The following PIK3C3 variants were observed in gnomAD, a reference collection of about 807,000 sequenced individuals.
PIK3C3 encodes phosphatidylinositol 3-kinase catalytic subunit type 3.
A neutral mutation model predicts 126.1 loss-of-function variants in PIK3C3; 95 were observed. That is an observed-to-expected ratio of 0.75 (90% confidence interval 0.64 to 0.89). The LOEUF (loss-of-function observed/expected upper bound fraction) is 0.89, where lower values mean the gene tolerates loss of function less well. Among genes scored for constraint, PIK3C3 ranks in the 40% least tolerant of loss-of-function variants. PIK3C3 has a pLI of 0.00. For synonymous variants in PIK3C3, 374 were observed against 360.0 expected, an observed-to-expected ratio of 1.04 and a Z score of -0.44; for missense variants, 829 against 1,063.2, an observed-to-expected ratio of 0.78 and a Z score of 3.06.
intron 10 of PIK3C3, among the ~76,000 whole-genome samples, chr18:42,008,763 A>G (rs1982666640): frequency 2.6e-5 from 4 of 152,130 alleles, no homozygotes; most frequent in African/African-American, 9.6e-5. Flanking sequence ...AGACATGAGT[A>G]TATAATGAGA....
chr18:42,029,328 G>A lies in PIK3C3; in HGVS notation c.1594G>A (p.Asp532Asn). The change falls in exon 15 of 25, where the codon GAT (aspartate) becomes AAT (asparagine). Residue 532 changes from aspartate to asparagine, a missense_variant. Physicochemically the swap from Asp to Asn is conservative, Grantham distance 23. Transcript: ENST00000262039. Reference sequence around the variant, plus strand: ...TTTCTCACTTTGAACCCTTCAGGGTGATAAGTCTGTCAGAGTTATGCGTTC... The same window carrying A: ...TTTCTCACTTTGAACCCTTCAGGGTAATAAGTCTGTCAGAGTTATGCGTTC... ...RRFSQALLKG[D>N]KSVRVMRSLL... The A allele has an allele frequency of 3.7e-6, 6 of 1,607,548 alleles. No homozygotes were observed. The highest frequency in any genetic ancestry group is 2.2e-5 in the South Asian group (2 of 90,934).
chr18:42,049,523 T>A lies in PIK3C3; in HGVS notation c.2189-8T>A. 1.9e-6 allele frequency: 3 copies of A among 1,609,478 alleles called. No homozygotes were observed. The highest frequency in any genetic ancestry group is 2.6e-6 in the Non-Finnish European group (3 of 1,176,200). On this transcript the variant is annotated splice_region_variant and splice_polypyrimidine_tract_variant and intron_variant, in intron 20 of 24. Coordinates refer to ENST00000262039, the MANE Select transcript of PIK3C3 (RefSeq NM_002647.4). ...GTTTTCACATATTTTTTTTAACTGT[T>A]ACTGCAGCTGGATATTGCGTGATCA...
chr18:42,056,105 AT>A (rs1985053567), intron 21 of PIK3C3, among the ~76,000 whole-genome samples: 1 of 151,976 alleles, frequency 6.6e-6, no homozygotes, highest in African/African-American at 2.4e-5. Flanking sequence ...CATTATGTGT[AT>A]TTTTTGAACC....
At chr18:42,000,721 C>T (rs955690688) in intron 9 of PIK3C3, among the ~76,000 whole-genome samples, 6 of 152,116 alleles carry the variant, frequency 3.9e-5, no homozygotes, top group Non-Finnish European at 8.8e-5. Context: ...AGGAGCAAGT[C>T]ATGTCTTACG....
intron 10 of PIK3C3, among the ~76,000 whole-genome samples, chr18:42,007,223 T>C (rs943762395): frequency 1.3e-5 from 2 of 152,216 alleles, no homozygotes; most frequent in African/African-American, 4.8e-5. Context: ...AGCCAAAAGA[T>C]ATCTGCTTTT....
chr18:41,955,589 GC>G (rs1979728575), intron 1 of PIK3C3: 1 of 470,058 alleles, frequency 2.1e-6, no homozygotes, highest in East Asian at 3.5e-5. Context: ...AGTAGGAATA[GC>G]CCTTAAGTTC....
chr18:42,067,631 G>A (rs796612538), intron 24 of PIK3C3, 118 bp downstream of exon 24: 29 of 1,088,386 alleles, frequency 2.7e-5, no homozygotes, highest in Admixed American at 1.3e-4. Flanking sequence ...CTATCAAGTC[G>A]TTTTGACATC....
At chr18:42,043,847 G>A (rs1339766948) in intron 20 of PIK3C3, 30 bp downstream of exon 20, 16 of 1,478,848 alleles carry the variant, frequency 1.1e-5, no homozygotes, top group Non-Finnish European at 1.4e-5. Context: ...ACTTTCCATT[G>A]ATCAGATAAA....
At chr18:42,030,704 TCTA>T (rs1417738258) in intron 15 of PIK3C3, among the ~76,000 whole-genome samples, 3 of 152,174 alleles carry the variant, frequency 2.0e-5, no homozygotes, top group African/African-American at 7.2e-5. Context: ...TAAATATATT[TCTA>T]CTACTGTTCC....
chr18:41,967,219 ATGC>A (rs1216837520), intron 3 of PIK3C3, among the ~76,000 whole-genome samples: 1 of 152,014 alleles, frequency 6.6e-6, no homozygotes, highest in Non-Finnish European at 1.5e-5. Context: ...ACATCTCCTT[ATGC>A]TGTTGGCTCA....
intron 20 of PIK3C3, among the ~76,000 whole-genome samples, chr18:42,047,691 T>C (rs564002945): frequency 2.0e-5 from 3 of 152,324 alleles, no homozygotes; most frequent in South Asian, 4.1e-4. Flanking sequence ...AGAAGGCTTC[T>C]CAACCTTTGG....
At chr18:42,005,972 T>C (rs987848331) in intron 10 of PIK3C3, among the ~76,000 whole-genome samples, 14 of 151,096 alleles carry the variant, frequency 9.3e-5, no homozygotes, top group African/African-American at 3.4e-4. Flanking sequence ...GCCTACTGGC[T>C]TTAACAAATC....
Position 42,007,022 on chromosome 18 carries a change from C to G in PIK3C3, c.1170+2481C>G, listed in dbSNP as rs546241224. On this transcript the variant is annotated intron_variant, in intron 10 of 24. Coordinates refer to ENST00000262039, the MANE Select transcript of PIK3C3 (RefSeq NM_002647.4). Reference sequence around the variant, plus strand: ...GGGACTGCAGGTGCCCGCCACCACCCCTGGATACTTTTTTGAATTTCTTTT... The same window carrying G: ...GGGACTGCAGGTGCCCGCCACCACCGCTGGATACTTTTTTGAATTTCTTTT... Among the ~76,000 whole-genome samples, 3 of 152,136 alleles carry G rather than the reference C, an allele frequency of 2.0e-5. No individual in the cohort carries two copies. In the South Asian group the frequency reaches 6.2e-4, roughly 32 times the overall value.
At chr18:41,979,310 C>T (rs1981082961) in intron 4 of PIK3C3, among the ~76,000 whole-genome samples, 1 of 152,078 alleles carries the variant, frequency 6.6e-6, no homozygotes, top group African/African-American at 2.4e-5. Context: ...CCTTTGTGAC[C>T]AGCTCCCAGT....
intron 9 of PIK3C3, among the ~76,000 whole-genome samples, chr18:42,001,275 A>G (rs1215204602): frequency 6.6e-6 from 1 of 152,238 alleles, no homozygotes; most frequent in Non-Finnish European, 1.5e-5. Context: ...ACATTCATTA[A>G]CTTAGTCTTC....
intron 17 of PIK3C3, 67 bp from the exon 18 acceptor site, chr18:42,038,714 T>G (rs2144465908): frequency 1.1e-6 from 1 of 946,794 alleles, no homozygotes; most frequent in Non-Finnish European, 1.7e-6. Flanking sequence ...GCTATACTAT[T>G]TGCCCACAAA....
intron 3 of PIK3C3, among the ~76,000 whole-genome samples, chr18:41,968,649 T>TA (rs533506589): frequency 7.2e-5 from 11 of 152,204 alleles, no homozygotes; most frequent in Non-Finnish European, 1.2e-4. Context: ...GTTCCCAATC[T>TA]AAATGTTTAT....
intron 12 of PIK3C3, among the ~76,000 whole-genome samples, chr18:42,018,459 G>T (rs758553754): frequency 2.0e-5 from 3 of 152,076 alleles, no homozygotes; most frequent in Non-Finnish European, 4.4e-5. Flanking sequence ...CCTATATTCT[G>T]CCTATTAAAC....
chr18:42,061,009 T>C (rs1043893403), intron 22 of PIK3C3, among the ~76,000 whole-genome samples: 1 of 152,188 alleles, frequency 6.6e-6, no homozygotes, highest in African/African-American at 2.4e-5. Context: ...TTTGAAATAC[T>C]ATAAGAACCT....
Sources: gnomAD v4.1 joint callset for allele counts (sites outside exome capture counted in the v4.1 genomes callset) on GRCh38, gnomAD v4.1.1 for gene constraint, MANE v1.5 for transcripts, NCBI Gene and HGNC (gene_info 2026-07-23, HGNC 2026-07-21) for gene names.